The following ANAPC1 variants were observed in gnomAD, a reference collection of about 807,000 sequenced individuals.
ANAPC1 encodes anaphase-promoting complex subunit 1.
A neutral mutation model predicts 208.0 loss-of-function variants in ANAPC1; 36 were observed. That is an observed-to-expected ratio of 0.17 (90% CI 0.13 to 0.23). The LOEUF is 0.23. Ranked by LOEUF, ANAPC1 falls within the 10% of genes least tolerant of loss-of-function variation. ANAPC1 has a pLI of 1.00. For missense variants in ANAPC1, 942 were observed against 2,011.6 expected (o/e 0.47, Z 10.17); for synonymous variants, 378 against 695.2 (o/e 0.54, Z 7.18).
At chr2:111,855,922 A>G (rs1681687648) in intron 13 of ANAPC1, among the ~76,000 whole-genome samples, 1 of 152,208 alleles carries the variant, frequency 6.6e-6, no homozygotes, top group African/African-American at 2.4e-5. Flanking sequence ...TTCTCTACGT[A>G]CATTTCACAA....
At chr2:111,848,218 A>C (rs1681197746) in intron 14 of ANAPC1, among the ~76,000 whole-genome samples, 1 of 152,192 alleles carries the variant, frequency 6.6e-6, no homozygotes, top group Non-Finnish European at 1.5e-5. Context: ...CAACTAGAAA[A>C]GGTAGGTAAA....
At chr2:111,801,085 A>C (rs976697276) in intron 33 of ANAPC1, among the ~76,000 whole-genome samples, 2 of 152,180 alleles carry the variant, frequency 1.3e-5, no homozygotes, top group East Asian at 3.9e-4. Flanking sequence ...GGCCAGGCTC[A>C]GTGGCTCATG....
intron 43 of ANAPC1, among the ~76,000 whole-genome samples, chr2:111,781,948 A>G (rs1354088192): frequency 6.6e-6 from 1 of 152,284 alleles, no homozygotes; most frequent in African/African-American, 2.4e-5. Context: ...GTTTATCCTC[A>G]CCAAGATTAA....
At chr2:111,831,224 T>C (rs1374086772) in intron 21 of ANAPC1, 62 bp downstream of exon 21, 1 of 1,533,388 alleles carries the variant, frequency 6.5e-7, no homozygotes, top group Non-Finnish European at 8.7e-7. Context: ...ATATCAGGTG[T>C]ACTTTTTAAA....
chr2:111,793,272 T>TCTC (rs1368581297), intron 37 of ANAPC1, among the ~76,000 whole-genome samples: 1 of 152,062 alleles, frequency 6.6e-6, no homozygotes, highest in African/African-American at 2.4e-5. Flanking sequence ...GGTCTCTCAC[T>TCTC]CTGTCACCCA....
At chr2:111,822,997 ATTCTTTTT>A (rs1679618220) in intron 24 of ANAPC1, among the ~76,000 whole-genome samples, 1 of 100,682 alleles carries the variant, frequency 9.9e-6, no homozygotes, top group Non-Finnish European at 2.1e-5. Context: ...AATTCTTTTT[ATTCTTTTT>A]TTTTTTTTTT....
At position 111,794,972 on chromosome 2, in the gene ANAPC1, C is replaced by G. The variant is rs183311007; in HGVS notation, c.4297-78G>C. On this transcript the variant is annotated intron_variant, in intron 34 of 47. Transcript: ENST00000341068. ...ATTTAATAATCTGAAGAATAACATA[C>G]TGCTTATCATGGCTATATTTATATA... The G allele has an allele frequency of 5.5e-4, 675 of 1,237,422 alleles. 1 individual carries two copies. The African/African-American group carries it at 9.3e-3, about 17-fold the overall frequency. 76.7% of individuals were successfully genotyped at this position (1,237,422 alleles called of 1,614,324 possible).
At chr2:111,789,337 T>C (rs1490122190) in intron 38 of ANAPC1, among the ~76,000 whole-genome samples, 1 of 150,614 alleles carries the variant, frequency 6.6e-6, no homozygotes, top group East Asian at 1.9e-4. Context: ...CAAATTAATC[T>C]AAAGTCCCAG....
At chr2:111,807,958 T>C (rs374296800) in intron 29 of ANAPC1, among the ~76,000 whole-genome samples, 16,797 of 149,752 alleles carry the variant, frequency 0.11, 519 homozygotes, top group Non-Finnish European at 0.15. Flanking sequence ...TGTATTGTGA[T>C]AGCCAAAACA....
intron 47 of ANAPC1, 135 bp from the exon 48 acceptor site, chr2:111,769,541 A>G (rs1361845579): frequency 4.9e-6 from 3 of 609,738 alleles, no homozygotes; most frequent in Non-Finnish European, 8.9e-6. Context: ...TGCAAAGACA[A>G]TATTTAAAAT....
At chr2:111,830,980 G>A (rs1186657114) in intron 21 of ANAPC1, among the ~76,000 whole-genome samples, 2 of 152,162 alleles carry the variant, frequency 1.3e-5, no homozygotes, top group Non-Finnish European at 2.9e-5. Flanking sequence ...GCTAAAAACT[G>A]AAATCAACCC....
chr2:111,876,288 G>A (rs1176141507), intron 3 of ANAPC1, among the ~76,000 whole-genome samples: 2 of 151,824 alleles, frequency 1.3e-5, no homozygotes, highest in Non-Finnish European at 2.9e-5. Flanking sequence ...AATACTTGCA[G>A]GATAGGTAAA....
chr2:111,779,830 A>T (rs1468789716), intron 44 of ANAPC1: 7 of 231,910 alleles, frequency 3.0e-5, no homozygotes, highest in Non-Finnish European at 5.9e-5. Flanking sequence ...GCAACAGAAA[A>T]AACCGACCCT....
chr2:111,875,872 C>A (rs1325858154), intron 3 of ANAPC1, among the ~76,000 whole-genome samples: 2 of 152,178 alleles, frequency 1.3e-5, no homozygotes, highest in African/African-American at 4.8e-5. Context: ...CCTTCTGCCA[C>A]CATTTTATAA....
At chr2:111,793,044 A>G (rs2030497) in intron 37 of ANAPC1, among the ~76,000 whole-genome samples, 26,980 of 141,626 alleles carry the variant, frequency 0.19, 1,708 homozygotes, top group Middle Eastern at 0.29. Context: ...ATATCAAGAC[A>G]TAACAATCAC....
chr2:111,799,757 AGTCTTATACAAAAGG>A (rs1678350711), intron 34 of ANAPC1, among the ~76,000 whole-genome samples: 1 of 110,150 alleles, frequency 9.1e-6, no homozygotes, highest in South Asian at 3.7e-4. Flanking sequence ...CGCTGAAAGA[AGTCTTATACAAAAGG>A]GTATATGCCA....
chr2:111,775,502 ATATT>A (rs1676957190), intron 46 of ANAPC1, among the ~76,000 whole-genome samples: 1 of 152,268 alleles, frequency 6.6e-6, no homozygotes, highest in Admixed American at 6.5e-5. Flanking sequence ...AGGAGACTAT[ATATT>A]TAAGAGGTTT....
chr2:111,868,066 C>T lies in ANAPC1; in HGVS notation c.642G>A (p.Leu214=), dbSNP rs2104577393. Residue 214 remains leucine, a synonymous_variant, in exon 7 of 48, where the codon CTG becomes CTA. Transcript: ENST00000341068. ...GTGGAGTTATTTCATCTAGTGGGTGCAGCATGCTGAACATAGTAGGTAAAG... is the reference window on the plus strand; with the variant it reads ...GTGGAGTTATTTCATCTAGTGGGTGTAGCATGCTGAACATAGTAGGTAAAG... ...REPLPTMFSM[L]HPLDEITPLV... is the part of the protein sequence containing the mutation. 1 of 1,598,618 alleles carries T rather than the reference C, an allele frequency of 6.3e-7. No individual in the cohort carries two copies. Among genetic ancestry groups the T allele is most frequent in the South Asian group, 1.1e-5 (1 of 87,004 alleles).
chr2:111,868,467 A>G (rs1197914871), intron 6 of ANAPC1, among the ~76,000 whole-genome samples: 1 of 152,204 alleles, frequency 6.6e-6, no homozygotes. Flanking sequence ...TTATTCTCCC[A>G]TATCTGCTGA....
Sources: allele counts gnomAD v4.1 joint callset (sites outside exome capture counted in the v4.1 genomes callset), GRCh38; gene constraint gnomAD v4.1.1; transcripts MANE v1.5; gene names NCBI Gene and HGNC (gene_info 2026-07-23, HGNC 2026-07-21).